Variants in DNAH3 observed in about 807,000 individuals in gnomAD.
DNAH3 encodes dynein axonemal heavy chain 3, also known as axonemal beta dynein heavy chain 3.
A neutral mutation model predicts 432.5 loss-of-function variants in DNAH3; 332 were observed. That is an observed-to-expected ratio of 0.77 (90% confidence interval 0.70 to 0.84). The LOEUF (loss-of-function observed/expected upper bound fraction) is 0.84. Ranked by LOEUF, DNAH3 falls within the 40% of genes least tolerant of loss-of-function variation. The probability of loss-of-function intolerance (pLI) is 0.00; values close to 1 mark genes in which losing one functional copy is unlikely to be tolerated. For synonymous variants in DNAH3, 1,956 were observed against 1,900.2 expected (o/e 1.03, Z -0.76); for missense variants, 4,861 against 5,114.0 (o/e 0.95, Z 1.51).
At chr16:21,147,632 G>T (rs907617350) in intron 1 of DNAH3, among the ~76,000 whole-genome samples, 1 of 152,174 alleles carries the variant, frequency 6.6e-6, no homozygotes, top group African/African-American at 2.4e-5. Context: ...CCTGCGAAAA[G>T]AAAAAGTGTT....
intron 31 of DNAH3, among the ~76,000 whole-genome samples, chr16:21,042,982 A>C (rs920291794): frequency 3.9e-5 from 6 of 152,128 alleles, no homozygotes; most frequent in African/African-American, 9.7e-5. Flanking sequence ...TCATCCATGT[A>C]CCTACAAAGG....
At chr16:21,031,489 T>C (rs571836945) in intron 36 of DNAH3, among the ~76,000 whole-genome samples, 45 of 151,932 alleles carry the variant, frequency 3.0e-4, no homozygotes, top group Non-Finnish European at 4.7e-4. Flanking sequence ...ATAATCCCAA[T>C]ACTCAGGGAG....
At chr16:20,965,542 G>A (rs2085018240) in intron 52 of DNAH3, 117 bp from the exon 53 acceptor site, 32 of 863,856 alleles carry the variant, frequency 3.7e-5, no homozygotes, top group Non-Finnish European at 5.3e-5. Context: ...TGGTCTGAGA[G>A]GCCCAGCCAA....
At chr16:21,045,924 C>T (rs1435177663) in intron 31 of DNAH3, among the ~76,000 whole-genome samples, 1,467 of 144,550 alleles carry the variant, frequency 0.01, 33 homozygotes, top group African/African-American at 0.036. Flanking sequence ...GCCTTCATTT[C>T]GTTATGTACC....
Position 21,051,807 on chromosome 16 carries a change from C to T in DNAH3, c.4101G>A (p.Trp1367Ter), listed in dbSNP as rs1284238651. The change falls in exon 29 of 62, where the codon TGG (tryptophan) becomes TGA (stop). Residue 1367 changes from tryptophan to a stop codon, truncating the protein, a stop_gained. Transcript: ENST00000261383. LOFTEE classifies it high-confidence loss of function. ...CCCAGTAGTAGCGCAGCTGTGAGAT[C>T]CATTGGAAATCATTCAGATCGGAGA... 2.5e-6 allele frequency: 4 copies of T among 1,613,914 alleles called. No homozygotes were observed. The highest frequency in any genetic ancestry group is 2.5e-6 in the Non-Finnish European group (3 of 1,180,014).
At position 21,146,072 on chromosome 16, in the gene DNAH3, GAGTC is replaced by G. The variant is rs2092779418; in HGVS notation, c.130_133del (p.Asp44ProfsTer5). ...CTGGGAGTGGCTCATGTGATGTATG[GAGTC>G]ACTTTTGGCGATCTGTGGGACATGG... On this transcript the variant is annotated frameshift_variant, in exon 2 of 62. Coordinates refer to ENST00000261383, the Ensembl canonical transcript of DNAH3. LOFTEE classifies it high-confidence loss of function. 1 of 1,613,254 alleles carries G rather than the reference GAGTC, an allele frequency of 6.2e-7. No homozygotes were observed. The highest frequency in any genetic ancestry group is 8.5e-7 in the Non-Finnish European group (1 of 1,179,402).
intron 19 of DNAH3, 98 bp from the exon 20 acceptor site, chr16:21,081,825 C>A: frequency 2.2e-6 from 2 of 923,168 alleles, no homozygotes; most frequent in South Asian, 1.7e-5. Flanking sequence ...ATCTGCACTG[C>A]TCAGCATAAC....
At chr16:20,948,282 C>G (rs1367266810) in intron 57 of DNAH3, among the ~76,000 whole-genome samples, 4 of 146,078 alleles carry the variant, frequency 2.7e-5, no homozygotes, top group African/African-American at 1.0e-4. Context: ...AACACCTTGT[C>G]TACCAAATAC....
At chr16:20,985,016 G>C in intron 48 of DNAH3, 33 bp downstream of exon 48, 2 of 1,545,902 alleles carry the variant, frequency 1.3e-6, no homozygotes, top group East Asian at 2.2e-5. Flanking sequence ...ACACCCAGAA[G>C]AACAAGGGCA....
exon 41 of DNAH3, chr16:21,019,823 G>A: frequency 6.2e-7 from 1 of 1,614,026 alleles, no homozygotes; most frequent in Middle Eastern, 1.6e-4. Flanking sequence ...GACTTGACAG[G>A]CCTTCACCTA....
chr16:20,965,400 C>T, exon 53 of DNAH3: 2 of 1,525,994 alleles, frequency 1.3e-6, no homozygotes, highest in Non-Finnish European at 1.8e-6. Flanking sequence ...TTTTGGATAC[C>T]CCCCAGTAAT....
At chr16:21,071,020 G>C (rs564405321) in intron 21 of DNAH3, among the ~76,000 whole-genome samples, 194 bp from the exon 22 acceptor site, 82 of 152,094 alleles carry the variant, frequency 5.4e-4, no homozygotes, top group Middle Eastern at 3.4e-3. Flanking sequence ...AAGTAGGTAG[G>C]ACTACAGGCA....
chr16:21,057,233 A>AC (rs1301939647), intron 27 of DNAH3, among the ~76,000 whole-genome samples: 1 of 152,090 alleles, frequency 6.6e-6, no homozygotes, highest in African/African-American at 2.4e-5. Context: ...ACATAGTGAG[A>AC]CCCCCGTCTC....
chr16:20,998,149 G>A (rs1372101082), intron 43 of DNAH3, among the ~76,000 whole-genome samples: 1 of 152,206 alleles, frequency 6.6e-6, no homozygotes, highest in East Asian at 1.9e-4. Flanking sequence ...CAACAGTCAA[G>A]CTCCCAGCAA....
intron 41 of DNAH3, among the ~76,000 whole-genome samples, chr16:21,004,661 C>A (rs969223611): frequency 7.2e-5 from 11 of 152,128 alleles, no homozygotes; most frequent in African/African-American, 2.2e-4. Context: ...AGCCACTGTG[C>A]CCAGCCCTTC....
intron 44 of DNAH3, among the ~76,000 whole-genome samples, chr16:20,991,456 G>A (rs2086554679): frequency 6.6e-6 from 1 of 152,018 alleles, no homozygotes; most frequent in Non-Finnish European, 1.5e-5. Context: ...TAGAGATGGG[G>A]TTTTGCCATA....
chr16:21,109,140 A>G (rs1464124989), intron 14 of DNAH3, among the ~76,000 whole-genome samples: 1 of 151,288 alleles, frequency 6.6e-6, no homozygotes, highest in Non-Finnish European at 1.5e-5. Context: ...AAAAAAAAAG[A>G]AAGAAAGAAA....
At chr16:21,015,782 T>G (rs1428581290) in intron 41 of DNAH3, among the ~76,000 whole-genome samples, 5 of 152,166 alleles carry the variant, frequency 3.3e-5, no homozygotes, top group African/African-American at 1.2e-4. Flanking sequence ...ATATTTCAAA[T>G]TGCTTGAGAT....
At position 21,024,584 on chromosome 16, in the gene DNAH3, T is replaced by C; in HGVS notation, c.5646+12A>G. ...ACAGCAGGAGGGGAAGGAAAGGGTC[T>C]GAGGGGCTCACCAATTCTTTGTGCT... On this transcript the variant is annotated intron_variant, in intron 39 of 61. Coordinates refer to ENST00000261383, the Ensembl canonical transcript of DNAH3. 1.3e-6 allele frequency: 2 copies of C among 1,595,912 alleles called. No homozygotes were observed. The highest frequency in any genetic ancestry group is 1.7e-6 in the Non-Finnish European group (2 of 1,170,262).
Sources: gnomAD v4.1 joint callset for allele counts (sites outside exome capture counted in the v4.1 genomes callset) on GRCh38, gnomAD v4.1.1 for gene constraint, MANE v1.5 for transcripts, NCBI Gene and HGNC (gene_info 2026-07-23, HGNC 2026-07-21) for gene names.